The following LAMA5 variants were observed in gnomAD, a reference collection of about 807,000 sequenced individuals.
LAMA5 encodes the protein laminin subunit alpha-5.
A neutral mutation model predicts 433.4 loss-of-function variants in LAMA5; 260 were observed. That is an observed-to-expected ratio of 0.60 (90% CI 0.54 to 0.66). The LOEUF (loss-of-function observed/expected upper bound fraction) is 0.66, where lower values mean the gene tolerates loss of function less well. LAMA5 is among the 30% of genes least tolerant of loss of function. LAMA5 has a pLI of 0.00. For synonymous variants in LAMA5, 2,620 were observed against 2,226.6 expected, an observed-to-expected ratio of 1.18 and a Z score of -4.97; for missense variants, 5,378 against 5,258.5, an observed-to-expected ratio of 1.02 and a Z score of -0.70.
chr20:62,342,593 G>A (rs6143032), intron 11 of LAMA5, among the ~76,000 whole-genome samples: 35,205 of 151,576 alleles, frequency 0.23, 4,240 homozygotes, highest in African/African-American at 0.28. Context: ...GCAGGAGAAT[G>A]GCGTGAACCT....
chr20:62,363,163 A>G (rs947166742), intron 1 of LAMA5, among the ~76,000 whole-genome samples: 1 of 152,194 alleles, frequency 6.6e-6, no homozygotes, highest in South Asian at 2.1e-4. Context: ...GATCTTGCCC[A>G]CAGCCTTCTG....
intron 1 of LAMA5, 121 bp from the exon 2 acceptor site, chr20:62,362,673 T>C: frequency 1.2e-6 from 1 of 815,694 alleles, no homozygotes; most frequent in East Asian, 3.3e-5. Flanking sequence ...ACGCCCAGCC[T>C]CTGCGCCCCT....
chr20:62,311,816 T>TGGGGG, intron 70 of LAMA5, 32 bp from the exon 71 acceptor site: 9 of 1,520,958 alleles, frequency 5.9e-6, no homozygotes, highest in Non-Finnish European at 8.0e-6. Flanking sequence ...GCTCGGTTTT[T>TGGGGG]CCCCACCCTG....
In LAMA5 at chr20:62,313,221, G is replaced by A. The variant is rs749776346; in HGVS notation, c.8822C>T (p.Thr2941Met). Residue 2941 changes from threonine (T) to methionine (M), a missense_variant, in exon 65 of 80, where the codon ACG (threonine) becomes ATG (methionine). Physicochemically the swap from Thr to Met is moderately conservative, Grantham distance 81 (BLOSUM62 -1). Coordinates refer to ENST00000252999, the MANE Select transcript of LAMA5 (RefSeq NM_005560.6). ...RSKSTGDPWLTDGSYLDGTGF... is the reference protein window; with the variant it reads ...RSKSTGDPWLMDGSYLDGTGF... ...GGTGCCGTCCAGGTAGGAGCCGTCC[G>A]TGAGCCACGGGTCCCCGGTCGACTT... is the stretch of plus-strand genomic sequence containing the variant. 11 of 1,546,088 alleles carry A rather than the reference G, an allele frequency of 7.1e-6. No homozygotes were observed. The highest frequency in any genetic ancestry group is 2.4e-5 in the South Asian group (2 of 84,994).
intron 43 of LAMA5, 74 bp from the exon 44 acceptor site, chr20:62,323,930 C>A: frequency 6.8e-7 from 1 of 1,481,016 alleles, no homozygotes; most frequent in South Asian, 1.3e-5. Flanking sequence ...TGTGCTCCGG[C>A]TGGAACACAC....
At position 62,310,835 on chromosome 20, in the gene LAMA5, G is replaced by A. The variant is rs1400097966; in HGVS notation, c.10282-6C>T. On this transcript the variant is annotated splice_region_variant and splice_polypyrimidine_tract_variant and intron_variant, in intron 74 of 79. Coordinates refer to ENST00000252999, the MANE Select transcript of LAMA5 (RefSeq NM_005560.6). ...TTCTCCCAGCGCACGGAGACCTGGG[G>A]GCAGGAGATGGGTCAGGGTAGGGCT... 5 of 1,573,050 alleles carry A rather than the reference G, an allele frequency of 3.2e-6. No individual in the cohort carries two copies. Among genetic ancestry groups the A allele is most frequent in the African/African-American group, 1.4e-5 (1 of 73,922 alleles).
Position 62,322,458 on chromosome 20 carries a change from C to G in LAMA5, c.6166-9G>C. 1 of 1,571,290 alleles carries G rather than the reference C, an allele frequency of 6.4e-7. No individual in the cohort carries two copies. Among genetic ancestry groups the G allele is most frequent in the Non-Finnish European group, 8.6e-7 (1 of 1,158,806 alleles). On this transcript the variant is annotated splice_polypyrimidine_tract_variant and intron_variant, in intron 46 of 79. Coordinates refer to ENST00000252999, the MANE Select transcript of LAMA5 (RefSeq NM_005560.6). ...AAACCAAAATGTCCCTCCTGTGGCA[C>G]AGGCTGGTCACTGCCCTGCCCAGCC...
intron 34 of LAMA5, 53 bp downstream of exon 34, chr20:62,328,791 G>A: frequency 1.3e-6 from 2 of 1,547,450 alleles, no homozygotes; most frequent in Non-Finnish European, 1.8e-6. Context: ...CGTCCACCTT[G>A]GGCTCTGGCA....
chr20:62,310,701 G>T lies in LAMA5; in HGVS notation c.10410C>A (p.Gly3470=). Residue 3470 remains glycine, a synonymous_variant, in exon 75 of 80, where the codon GGC becomes GGA. Coordinates refer to ENST00000252999, the MANE Select transcript of LAMA5 (RefSeq NM_005560.6). ...EHPQPHTLFV[G]GLPASSHSSK... ...AGCTGTGGCTGCTGGCCGGGAGGCC[G>T]CCCACAAAGAGGGTGTGGGGCTGGG... 1 of 1,601,054 alleles carries T rather than the reference G, an allele frequency of 6.2e-7. No individual in the cohort carries two copies.
chr20:62,315,623 A>G (rs1986855100), intron 58 of LAMA5, among the ~76,000 whole-genome samples: 1 of 152,116 alleles, frequency 6.6e-6, no homozygotes, highest in Non-Finnish European at 1.5e-5. Flanking sequence ...CCTTGGTTCC[A>G]GCCACGCTGA....
chr20:62,332,062 A>AAAAAG (rs1555878256), intron 28 of LAMA5, among the ~76,000 whole-genome samples: 18 of 152,138 alleles, frequency 1.2e-4, no homozygotes, highest in African/African-American at 4.1e-4. Flanking sequence ...AAAAAAAAAA[A>AAAAAG]AAAAGAAAAG....
intron 6 of LAMA5, among the ~76,000 whole-genome samples, chr20:62,348,584 G>C (rs1983720221): frequency 6.6e-6 from 1 of 152,036 alleles, no homozygotes; most frequent in Admixed American, 6.6e-5. Flanking sequence ...TCCAGCCTGG[G>C]CAAGAGTGTG....
rs376133814 is a variant in LAMA5 at position 62,312,075 on chromosome 20, G to A, written c.9505-25C>T. On this transcript the variant is annotated intron_variant, in intron 69 of 79. Coordinates refer to ENST00000252999, the MANE Select transcript of LAMA5 (RefSeq NM_005560.6). ...CCTGGGGACGGCAGCCAGGTCAGCCGGCCGGCCTGGGGACCCAGACTCATT... is the reference window on the plus strand; with the variant it reads ...CCTGGGGACGGCAGCCAGGTCAGCCAGCCGGCCTGGGGACCCAGACTCATT... The A allele has an allele frequency of 1.3e-4, 214 of 1,609,858 alleles. 2 individuals are homozygous for A. The Admixed American group carries it at 1.9e-3, about 14-fold the overall frequency.
At position 62,338,530 on chromosome 20, in the gene LAMA5, GGTTTGCACAGACAGC is replaced by G. The variant is rs745746963; in HGVS notation, c.1541_1555del (p.Arg514_Lys518del). ...CTCACAATGGGTGCCTTGGAAGTTG[GGTTTGCACAGACAGC>G]GTCCCACCCTTGGGTCCTTCCGGCA... On this transcript the variant is annotated inframe_deletion, in exon 12 of 80. Transcript: ENST00000252999. 4.3e-5 allele frequency: 69 copies of G among 1,610,620 alleles called. No individual in the cohort carries two copies. The highest frequency in any genetic ancestry group is 1.6e-4 in the Middle Eastern group (1 of 6,084).
At chr20:62,316,357 G>A (rs532977057) in intron 57 of LAMA5, 49 of 544,334 alleles carry the variant, frequency 9.0e-5, no homozygotes, top group African/African-American at 8.1e-4. Flanking sequence ...TTCTCATTGC[G>A]CAGCTTGGCA....
At chr20:62,345,706 C>T in intron 11 of LAMA5, 112 bp downstream of exon 11, 1 of 772,874 alleles carries the variant, frequency 1.3e-6, no homozygotes, top group Non-Finnish European at 2.1e-6. Context: ...AAGAAATAAG[C>T]CAAAAATAAA....
At chr20:62,347,076 G>A (rs1232982371) in intron 6 of LAMA5, 48 bp from the exon 7 acceptor site, 9 of 1,478,388 alleles carry the variant, frequency 6.1e-6, no homozygotes, top group Non-Finnish European at 8.4e-6. Flanking sequence ...GGAGGCAGGT[G>A]GCAGGTGCTC....
Position 62,333,702 on chromosome 20 carries a change from T to C in LAMA5, c.2883A>G (p.Thr961=). Residue 961 remains threonine, a synonymous_variant, in exon 24 of 80, where the codon ACA becomes ACG. Transcript: ENST00000252999. ...EGRSATCANC[T]AQSQPVAFPP... is the part of the protein sequence containing the mutation. Reference sequence around the variant, plus strand: ...GGAAGGCCACGGGCTGACTCTGTGCTGTGCCTGGGCGGGGGCAGGGGTGAG... The same window carrying C: ...GGAAGGCCACGGGCTGACTCTGTGCCGTGCCTGGGCGGGGGCAGGGGTGAG... 6.3e-7 allele frequency: 1 copy of C among 1,588,202 alleles called. No individual in the cohort carries two copies. Among genetic ancestry groups the C allele is most frequent in the Middle Eastern group, 1.7e-4 (1 of 5,972 alleles).
chr20:62,338,345 A>T lies in LAMA5; in HGVS notation c.1643T>A (p.Val548Glu), dbSNP rs962785874. The T allele has an allele frequency of 1.9e-6, 3 of 1,608,476 alleles. No homozygotes were observed. The Admixed American group carries it at 5.0e-5, about 27-fold the overall frequency. The change falls in exon 13 of 80, where the codon GTG (valine) becomes GAG (glutamate). Residue 548 changes from valine (V) to glutamate (E), a missense_variant. Val to Glu is a moderately radical substitution (Grantham distance 121). Coordinates refer to ENST00000252999, the MANE Select transcript of LAMA5 (RefSeq NM_005560.6). ...GTCAGGGTCACAGCGGTCATCGGCC[A>T]CTCCAGGGCTGGAACACTGGCAGGC... Reference protein sequence around the residue: ...CQPCQCSSPGVADDRCDPDTG... With the variant: ...CQPCQCSSPGEADDRCDPDTG...
Sources: gnomAD v4.1 joint callset for allele counts (sites outside exome capture counted in the v4.1 genomes callset) on GRCh38, gnomAD v4.1.1 for gene constraint, MANE v1.5 for transcripts, NCBI Gene and HGNC (gene_info 2026-07-23, HGNC 2026-07-21) for gene names.